CALN1: variants seen among roughly 807,000 people sequenced by gnomAD.
CALN1 encodes calneuron 1.
Under a neutral mutation model 30.6 loss-of-function variants are expected in CALN1, and 17 were observed. That is an observed-to-expected ratio of 0.56 (90% CI 0.38 to 0.83). The LOEUF (loss-of-function observed/expected upper bound fraction) is 0.83. Among genes scored for constraint, CALN1 ranks in the 40% least tolerant of loss-of-function variants. CALN1 has a pLI of 0.00. For synonymous variants in CALN1, 156 were observed against 131.4 expected, an observed-to-expected ratio of 1.19 and a Z score of -1.28; for missense variants, 291 against 354.9, an observed-to-expected ratio of 0.82 and a Z score of 1.45.
intron 4 of CALN1, among the ~76,000 whole-genome samples, chr7:72,057,498 T>C (rs749233037): frequency 6.6e-6 from 1 of 151,672 alleles, no homozygotes; most frequent in South Asian, 2.1e-4. Context: ...ATAACATTAT[T>C]TGTAACAGTG....
chr7:72,169,570 G>A (rs570670859), intron 3 of CALN1, among the ~76,000 whole-genome samples: 17 of 149,398 alleles, frequency 1.1e-4, no homozygotes, highest in Non-Finnish European at 2.5e-4. Context: ...TGATTTTTTT[G>A]CCTCAGCCTC....
chr7:71,857,923 T>C (rs1288545480), intron 5 of CALN1, among the ~76,000 whole-genome samples: 1 of 152,126 alleles, frequency 6.6e-6, no homozygotes, highest in Non-Finnish European at 1.5e-5. Context: ...ATTTCTATTA[T>C]CAAGGAAGTG....
chr7:71,996,604 T>C (rs1799265619), intron 5 of CALN1, among the ~76,000 whole-genome samples: 1 of 152,184 alleles, frequency 6.6e-6, no homozygotes. Flanking sequence ...GGTGTATATG[T>C]ACCACTTTCT....
rs1562868325 is a variant in CALN1, at chr7:72,308,376, A to AGAGG, written c.120-29567_120-29566insCCTC. ...GAGATGCTGTCTGTGGGGGGGGGAG[A>AGAGG]GAGAGAGAGAGAGAGAGAGAGAGAG... On this transcript the variant is annotated intron_variant, in intron 2 of 6. Transcript: ENST00000395275. Among the ~76,000 whole-genome samples, 3 of 22,472 alleles carry AGAGG rather than the reference A, an allele frequency of 1.3e-4. 1 individual carries two copies. The highest frequency in any genetic ancestry group is 6.0e-4 in the African/African-American group (3 of 4,984). The allele number at this position is 22,472 out of a possible 152,430, so 14.7% of individuals were successfully genotyped here. A position where few individuals can be genotyped will look rare whatever the true frequency, so the allele number is the denominator to read the frequency against.
At chr7:71,948,548 G>A (rs1228793060) in intron 5 of CALN1, among the ~76,000 whole-genome samples, 1 of 151,850 alleles carries the variant, frequency 6.6e-6, no homozygotes. Context: ...TGGCCAACAC[G>A]GTGAGATCCC....
At chr7:72,182,517 C>T (rs1789886516) in intron 3 of CALN1, among the ~76,000 whole-genome samples, 2 of 152,006 alleles carry the variant, frequency 1.3e-5, no homozygotes, top group African/African-American at 2.4e-5. Flanking sequence ...GCCAGGAGTT[C>T]GAGACCAACC....
the CALN1 span, among the ~76,000 whole-genome samples, chr7:72,497,008 A>G: frequency 6.6e-6 from 1 of 152,246 alleles, no homozygotes; most frequent in East Asian, 1.9e-4. Flanking sequence ...TCCTTATGTA[A>G]GTACGCTCTC....
the CALN1 span, among the ~76,000 whole-genome samples, chr7:72,499,863 T>C: frequency 0.09 from 5,700 of 63,242 alleles, 902 homozygotes; most frequent in African/African-American, 0.13. Context: ...CTTTCTTTCT[T>C]TCTTTCTTTC....
chr7:72,425,265 C>T (rs1314642421), intron 1 of CALN1, among the ~76,000 whole-genome samples: 1 of 152,172 alleles, frequency 6.6e-6, no homozygotes, highest in East Asian at 1.9e-4. Flanking sequence ...AGGCACGTGC[C>T]ACCACACCCA....
At chr7:72,208,447 C>T (rs527307433) in intron 3 of CALN1, among the ~76,000 whole-genome samples, 29 of 152,168 alleles carry the variant, frequency 1.9e-4, no homozygotes, top group Non-Finnish European at 3.8e-4. Flanking sequence ...ACTTGCACAG[C>T]CACTCAGGCA....
intron 5 of CALN1, among the ~76,000 whole-genome samples, chr7:71,991,046 T>TG (rs1798922142): frequency 7.4e-6 from 1 of 134,456 alleles, no homozygotes; most frequent in African/African-American, 3.1e-5. Context: ...TATGAAACAG[T>TG]GAGGGGGGGG....
chr7:72,475,739 G>C, the CALN1 span, among the ~76,000 whole-genome samples: 3 of 152,208 alleles, frequency 2.0e-5, no homozygotes, highest in South Asian at 6.2e-4. Context: ...GGATGTTGTA[G>C]AAGAGCCTTG....
intron 2 of CALN1, among the ~76,000 whole-genome samples, chr7:72,318,164 A>G (rs1800616428): frequency 6.6e-6 from 1 of 152,222 alleles, no homozygotes; most frequent in African/African-American, 2.4e-5. Context: ...ATTTGGTTTC[A>G]ATGCAAATGA....
At chr7:71,807,797 C>T (rs531307488) in intron 6 of CALN1, among the ~76,000 whole-genome samples, 9 of 151,970 alleles carry the variant, frequency 5.9e-5, no homozygotes, top group South Asian at 2.1e-4. Context: ...AAAATTAGGC[C>T]GAGTGTGATG....
At chr7:72,502,257 A>C in the CALN1 span, among the ~76,000 whole-genome samples, 1 of 150,108 alleles carries the variant, frequency 6.7e-6, no homozygotes, top group African/African-American at 2.4e-5. Flanking sequence ...ATTTCATTTA[A>C]ATACAGTGAC....
intron 3 of CALN1, among the ~76,000 whole-genome samples, chr7:72,190,034 G>C (rs1413234418): frequency 6.6e-6 from 1 of 152,102 alleles, no homozygotes; most frequent in African/African-American, 2.4e-5. Flanking sequence ...AACTTGAGAA[G>C]TAAAATGGTG....
At chr7:71,919,946 G>A (rs566618290) in intron 5 of CALN1, among the ~76,000 whole-genome samples, 1 of 152,334 alleles carries the variant, frequency 6.6e-6, no homozygotes, top group Non-Finnish European at 1.5e-5. Context: ...GGCACAGTAA[G>A]TAGCTCACCA....
intron 5 of CALN1, among the ~76,000 whole-genome samples, chr7:71,971,989 GAAAGAGAAAGAAAGAAAA>G (rs1797858684): frequency 1.0e-5 from 1 of 96,996 alleles, no homozygotes; most frequent in Non-Finnish European, 2.3e-5. Flanking sequence ...AAGAAAGAAA[GAAAGAGAAAGAAAGAAAA>G]AAAGAAAGAA....
chr7:71,949,044 T>TAAAAAA (rs34370568), intron 5 of CALN1, among the ~76,000 whole-genome samples: 1 of 66,928 alleles, frequency 1.5e-5, no homozygotes, highest in African/African-American at 6.1e-5. Context: ...CTCTGTCTCT[T>TAAAAAA]AAAAAAAAAA....
Sources: gnomAD v4.1 joint callset for allele counts (sites outside exome capture counted in the v4.1 genomes callset) on GRCh38, gnomAD v4.1.1 for gene constraint, MANE v1.5 for transcripts, NCBI Gene and HGNC (gene_info 2026-07-23, HGNC 2026-07-21) for gene names.